The following MYO18B variants were observed in gnomAD, a reference collection of about 807,000 sequenced individuals.
The protein encoded by MYO18B is unconventional myosin-XVIIIb.
Under a neutral mutation model 273.0 loss-of-function variants are expected in MYO18B, and 204 were observed. The ratio of observed to expected loss-of-function variants is 0.75; its 90% CI spans 0.67 to 0.84. MYO18B has a LOEUF of 0.84. Among genes scored for constraint, MYO18B ranks in the 40% least tolerant of loss-of-function variants. MYO18B has a pLI of 0.00. For synonymous variants in MYO18B, 1,330 were observed against 1,305.7 expected (o/e 1.02, Z -0.40); for missense variants, 3,212 against 3,287.6 (o/e 0.98, Z 0.56).
the MYO18B span, among the ~76,000 whole-genome samples, chr22:26,061,050 C>T: frequency 1.2e-3 from 184 of 152,176 alleles, no homozygotes; most frequent in African/African-American, 4.0e-3. Flanking sequence ...TCTCCAGTGG[C>T]AACTGTGAAC....
intron 11 of MYO18B, among the ~76,000 whole-genome samples, chr22:25,793,163 G>A (rs894900994): frequency 6.6e-6 from 1 of 152,192 alleles, no homozygotes; most frequent in African/African-American, 2.4e-5. Context: ...TCTGTGCTGG[G>A]TGCTTTACAC....
At chr22:25,999,651 T>TCTCCTCCTC (rs895145734) in intron 40 of MYO18B, among the ~76,000 whole-genome samples, 2 of 59,596 alleles carry the variant, frequency 3.4e-5, no homozygotes, top group African/African-American at 1.9e-4. Context: ...TTCTCCTCCT[T>TCTCCTCCTC]CTCCTCCTCC....
Position 25,768,910 on chromosome 22 carries a change from C to T in MYO18B, c.994C>T (p.Gln332Ter). ...LGRRSKWDGP[Q>*]NKKDKEGVLL... ...AAGAAGGAGTAAGTGGGACGGTCCCCAGAATAAGAAGGACAAAGAAGGGGT... is the reference window on the plus strand; with the variant it reads ...AAGAAGGAGTAAGTGGGACGGTCCCTAGAATAAGAAGGACAAAGAAGGGGT... The change falls in exon 4 of 44, where the codon CAG (glutamine) becomes TAG (stop). Residue 332 changes from glutamine (Q) to a stop codon, truncating the protein, a stop_gained. Transcript: ENST00000335473. LOFTEE classifies it high-confidence loss of function. 2.5e-6 allele frequency: 4 copies of T among 1,612,620 alleles called. No homozygotes were observed. The highest frequency in any genetic ancestry group is 2.2e-5 in the East Asian group (1 of 44,860).
intron 34 of MYO18B, among the ~76,000 whole-genome samples, chr22:25,945,389 G>C (rs1388819064): frequency 2.6e-5 from 4 of 152,070 alleles, no homozygotes; most frequent in Non-Finnish European, 4.4e-5. Context: ...GAGAGGGCAG[G>C]GGCCAGCTTG....
intron 34 of MYO18B, among the ~76,000 whole-genome samples, chr22:25,921,702 T>TTTG (rs1491236844): frequency 6.9e-6 from 1 of 145,600 alleles, no homozygotes; most frequent in African/African-American, 2.6e-5. Context: ...AGTGTGCCTG[T>TTTG]TGTGTGTGTG....
Position 25,846,296 on chromosome 22 carries a change from CCT to C in MYO18B, c.3552+14_3552+15del. On this transcript the variant is annotated intron_variant, in intron 19 of 43. Transcript: ENST00000335473. ...CAAGCTGCAGATGGTGAGTGGGCAC[CCT>C]GTCTCATGGTGTCCTGGCCTTCACT... The C allele has an allele frequency of 6.2e-7, 1 of 1,609,770 alleles. No individual in the cohort carries two copies. The highest frequency in any genetic ancestry group is 8.5e-7 in the Non-Finnish European group (1 of 1,179,590).
At chr22:25,795,310 A>T (rs913327268) in intron 11 of MYO18B, among the ~76,000 whole-genome samples, 2 of 152,230 alleles carry the variant, frequency 1.3e-5, no homozygotes, top group Admixed American at 1.3e-4. Flanking sequence ...AATTTAAGAA[A>T]CTATGACTGT....
intron 34 of MYO18B, among the ~76,000 whole-genome samples, chr22:25,922,504 G>C (rs950374920): frequency 4.6e-5 from 7 of 152,142 alleles, no homozygotes; most frequent in African/African-American, 1.7e-4. Flanking sequence ...AAGACACCTG[G>C]GGAGGCTCAG....
intron 12 of MYO18B, among the ~76,000 whole-genome samples, chr22:25,818,868 G>A (rs1168858185): frequency 3.9e-5 from 6 of 152,046 alleles, no homozygotes; most frequent in African/African-American, 1.2e-4. Flanking sequence ...GAGGTGTTGG[G>A]GGTTTTAAGA....
chr22:25,790,469 A>G (rs569387158), intron 11 of MYO18B, among the ~76,000 whole-genome samples: 2 of 152,250 alleles, frequency 1.3e-5, no homozygotes, highest in African/African-American at 2.4e-5. Context: ...CTCCTTGCTA[A>G]CAGTCTCCCA....
intron 28 of MYO18B, chr22:25,897,207 A>G (rs551386840): frequency 6.6e-6 from 1 of 152,194 alleles, no homozygotes; most frequent in Non-Finnish European, 1.5e-5. Context: ...CTCACTTCAT[A>G]GTCTCTCCCA....
chr22:25,769,561 TGGAAC>T, intron 4 of MYO18B, 133 bp downstream of exon 4: 2 of 838,652 alleles, frequency 2.4e-6, no homozygotes, highest in Non-Finnish European at 3.6e-6. Context: ...GAGGGGTGGC[TGGAAC>T]TGCAAGGCAC....
At chr22:25,918,137 C>CT (rs1266330275) in intron 33 of MYO18B, among the ~76,000 whole-genome samples, 11 of 152,140 alleles carry the variant, frequency 7.2e-5, no homozygotes, top group Admixed American at 5.2e-4. Context: ...TGTGCACCAT[C>CT]TTTTTTTCAT....
intron 40 of MYO18B, among the ~76,000 whole-genome samples, chr22:25,994,136 C>T (rs975385048): frequency 1.4e-4 from 22 of 152,310 alleles, no homozygotes; most frequent in African/African-American, 5.1e-4. Flanking sequence ...TGTCTGCGCT[C>T]AGCAGGAGCA....
chr22:25,769,762 C>A (rs6004762), intron 4 of MYO18B, among the ~76,000 whole-genome samples: 6 of 151,962 alleles, frequency 3.9e-5, no homozygotes, highest in African/African-American at 1.5e-4. Flanking sequence ...GATGGCATAA[C>A]GAGTAGATTG....
the MYO18B span, among the ~76,000 whole-genome samples, chr22:26,040,996 A>G: frequency 6.6e-6 from 1 of 152,174 alleles, no homozygotes; most frequent in Non-Finnish European, 1.5e-5. Flanking sequence ...TAAAACAGGG[A>G]AAGTCCTGAG....
intron 34 of MYO18B, among the ~76,000 whole-genome samples, chr22:25,942,590 A>C (rs2092657273): frequency 1.3e-5 from 2 of 152,240 alleles, no homozygotes; most frequent in African/African-American, 4.8e-5. Context: ...TCCACAGACC[A>C]GCTCTGTGAT....
chr22:26,051,494 C>T, the MYO18B span, among the ~76,000 whole-genome samples: 2 of 152,114 alleles, frequency 1.3e-5, no homozygotes, highest in Non-Finnish European at 2.9e-5. Flanking sequence ...GAGGTCTGAG[C>T]AGTGAAATGC....
chr22:25,923,521 A>C (rs951913663), intron 34 of MYO18B, among the ~76,000 whole-genome samples: 2 of 152,264 alleles, frequency 1.3e-5, no homozygotes, highest in African/African-American at 4.8e-5. Flanking sequence ...TGGTGTGTCC[A>C]AAGTAACACA....
Sources: allele counts gnomAD v4.1 joint callset (sites outside exome capture counted in the v4.1 genomes callset), GRCh38; gene constraint gnomAD v4.1.1; transcripts MANE v1.5; gene names NCBI Gene and HGNC (gene_info 2026-07-23, HGNC 2026-07-21).